The following UXS1 variants were observed in gnomAD, a reference collection of about 807,000 sequenced individuals.
UXS1 encodes the protein UDP-glucuronate decarboxylase 1.
A neutral mutation model predicts 62.6 loss-of-function variants in UXS1; 33 were observed. The observed-to-expected ratio is 0.53, with a 90% CI of 0.40 to 0.70. The LOEUF (loss-of-function observed/expected upper bound fraction) is 0.70, where lower values mean the gene tolerates loss of function less well. Among genes scored for constraint, UXS1 ranks in the 30% least tolerant of loss-of-function variants. The probability of loss-of-function intolerance (pLI) is 0.00; values close to 1 mark genes in which losing one functional copy is unlikely to be tolerated. For missense variants in UXS1, 434 were observed against 556.3 expected (o/e 0.78, Z 2.21); for synonymous variants, 213 against 206.8 (o/e 1.03, Z -0.26).
intron 5 of UXS1, among the ~76,000 whole-genome samples, chr2:106,145,910 T>C (rs2028566): frequency 0.51 from 77,361 of 152,000 alleles, 19,862 homozygotes; most frequent in Admixed American, 0.54. Context: ...ATGCTGTTTG[T>C]AGACTAAAGC....
intron 12 of UXS1, among the ~76,000 whole-genome samples, chr2:106,099,188 A>C (rs2104832939): frequency 6.6e-6 from 1 of 152,320 alleles, no homozygotes; most frequent in East Asian, 1.9e-4. Flanking sequence ...GTGATGAAGG[A>C]CTTGTAATCT....
chr2:106,130,799 T>C (rs974408611), intron 6 of UXS1, among the ~76,000 whole-genome samples: 9 of 152,162 alleles, frequency 5.9e-5, no homozygotes, highest in Non-Finnish European at 1.2e-4. Flanking sequence ...AGTGAGGTGA[T>C]GCCTGGGTCC....
intron 4 of UXS1, among the ~76,000 whole-genome samples, chr2:106,163,026 T>C (rs1293219029): frequency 6.6e-6 from 1 of 152,204 alleles, no homozygotes. Context: ...CAACTGCTAC[T>C]CTAGATAGTT....
intron 1 of UXS1, among the ~76,000 whole-genome samples, chr2:106,172,932 A>C (rs1172745550): frequency 6.6e-6 from 1 of 151,984 alleles, no homozygotes; most frequent in Middle Eastern, 3.2e-3. Flanking sequence ...CCCCTCCCTC[A>C]GTTCATCCAA....
chr2:106,116,572 T>C (rs1679078367), intron 9 of UXS1, among the ~76,000 whole-genome samples: 1 of 152,236 alleles, frequency 6.6e-6, no homozygotes, highest in Admixed American at 6.5e-5. Context: ...GTCACTGTCC[T>C]TGGACTAGTT....
chr2:106,179,660 G>A (rs1375278811), intron 1 of UXS1: 4 of 152,252 alleles, frequency 2.6e-5, no homozygotes, highest in Non-Finnish European at 4.4e-5. Context: ...CAAGAAGGCT[G>A]TAAGAACAAC....
chr2:106,095,965 C>T (rs1347760966), intron 14 of UXS1, among the ~76,000 whole-genome samples: 1 of 152,196 alleles, frequency 6.6e-6, no homozygotes, highest in Admixed American at 6.5e-5. Flanking sequence ...CACCCTGCCC[C>T]CTTCAGTAGA....
chr2:106,157,494 T>G (rs969138651), intron 5 of UXS1, among the ~76,000 whole-genome samples: 1 of 152,194 alleles, frequency 6.6e-6, no homozygotes, highest in Non-Finnish European at 1.5e-5. Flanking sequence ...AGGGTTTCCA[T>G]ACAATCCAGT....
At chr2:106,127,340 C>T (rs1042121961) in intron 7 of UXS1, among the ~76,000 whole-genome samples, 1 of 152,342 alleles carries the variant, frequency 6.6e-6, no homozygotes, top group Middle Eastern at 3.4e-3. Flanking sequence ...AGTAACTATA[C>T]ATTTTATATT....
At chr2:106,174,591 G>A (rs1186888606) in intron 1 of UXS1, among the ~76,000 whole-genome samples, 8 of 152,214 alleles carry the variant, frequency 5.3e-5, no homozygotes, top group Non-Finnish European at 1.0e-4. Flanking sequence ...TTGAAGGCCC[G>A]CATCAGCCAG....
At chr2:106,155,250 G>C (rs149976025) in intron 5 of UXS1, among the ~76,000 whole-genome samples, 2 of 152,072 alleles carry the variant, frequency 1.3e-5, no homozygotes, top group African/African-American at 4.8e-5. Context: ...AAAATAAACT[G>C]GCAGTCAAGA....
intron 1 of UXS1, among the ~76,000 whole-genome samples, chr2:106,175,380 C>G (rs923058389): frequency 6.6e-6 from 1 of 152,242 alleles, no homozygotes; most frequent in Admixed American, 6.5e-5. Context: ...CAAGTGCTTG[C>G]AGCAAAGCTA....
intron 1 of UXS1, among the ~76,000 whole-genome samples, chr2:106,176,983 T>C (rs950183177): frequency 3.9e-5 from 6 of 152,144 alleles, no homozygotes; most frequent in Non-Finnish European, 8.8e-5. Context: ...AATAAAATCC[T>C]ACCAATATGC....
chr2:106,153,084 G>A (rs1202010445), intron 5 of UXS1, among the ~76,000 whole-genome samples: 1 of 152,192 alleles, frequency 6.6e-6, no homozygotes, highest in Admixed American at 6.5e-5. Flanking sequence ...CAGATGGTAA[G>A]CAATAAATAG....
At chr2:106,166,811 T>C (rs1197205409) in intron 1 of UXS1, among the ~76,000 whole-genome samples, 2 of 150,160 alleles carry the variant, frequency 1.3e-5, no homozygotes, top group African/African-American at 2.4e-5. Flanking sequence ...GCGTACGCCA[T>C]CACACCTAGC....
chr2:106,166,134 G>C, intron 1 of UXS1, 51 bp from the exon 2 acceptor site: 1 of 1,523,254 alleles, frequency 6.6e-7, no homozygotes, highest in African/African-American at 1.4e-5. Context: ...CAACTTTCAG[G>C]GATTCCAATG....
chr2:106,128,809 C>G (rs1249010499), intron 7 of UXS1, among the ~76,000 whole-genome samples: 1 of 152,166 alleles, frequency 6.6e-6, no homozygotes, highest in Admixed American at 6.5e-5. Context: ...AGAGATAAAC[C>G]AATCTCTGGC....
Position 106,158,129 on chromosome 2 carries a change from T to C in UXS1, c.231-11A>G. 3 of 1,552,008 alleles carry C rather than the reference T, an allele frequency of 1.9e-6. No homozygotes were observed. Among genetic ancestry groups the C allele is most frequent in the Non-Finnish European group, 2.6e-6 (3 of 1,145,326 alleles). On this transcript the variant is annotated splice_polypyrimidine_tract_variant and intron_variant, in intron 4 of 14. Transcript: ENST00000283148. ...TATTTCTGGGTAAAGCTGTATAATATAAAGAGATTCAAAAGGAAAAAGTCA... is the reference window on the plus strand; with the variant it reads ...TATTTCTGGGTAAAGCTGTATAATACAAAGAGATTCAAAAGGAAAAAGTCA...
chr2:106,187,742 C>CA (rs1684654793), intron 1 of UXS1, among the ~76,000 whole-genome samples: 1 of 139,478 alleles, frequency 7.2e-6, no homozygotes, highest in Non-Finnish European at 1.6e-5. Flanking sequence ...CTGTAATTTC[C>CA]TTTTTTTTTT....
Sources: allele counts gnomAD v4.1 joint callset (sites outside exome capture counted in the v4.1 genomes callset), GRCh38; gene constraint gnomAD v4.1.1; transcripts MANE v1.5; gene names NCBI Gene and HGNC (gene_info 2026-07-23, HGNC 2026-07-21).